Variants in FABP2 observed in about 807,000 individuals in gnomAD.
The protein encoded by FABP2 is fatty acid binding protein 2.
FABP2 carries 11 observed loss-of-function variants against 16.1 expected under a neutral mutation model. That is an observed-to-expected ratio of 0.68 (90% CI 0.43 to 1.13). FABP2 has a LOEUF of 1.13. FABP2 is among the 50% of genes most tolerant of loss of function. The pLI is 0.00. For missense variants in FABP2, 146 were observed against 155.1 expected, an observed-to-expected ratio of 0.94 and a Z score of 0.31; for synonymous variants, 45 against 50.9, an observed-to-expected ratio of 0.88 and a Z score of 0.49.
At chr4:119,319,666 A>G (rs763253336) in intron 2 of FABP2, 23 bp from the exon 3 acceptor site, 1 of 1,012,670 alleles carries the variant, frequency 9.9e-7, no homozygotes, top group Non-Finnish European at 1.3e-6. Flanking sequence ...AATAATAATA[A>G]TAATAATAAT....
Position 119,320,663 on chromosome 4 carries a change from T to A in FABP2, c.240+7A>T. 1.9e-6 allele frequency: 3 copies of A among 1,553,562 alleles called. No homozygotes were observed. The highest frequency in any genetic ancestry group is 1.4e-5 in the African/African-American group (1 of 70,742). ...AATGCATTGCTCATAAAAAAAAAAA[T>A]TCTTACCCTGAGTTCAGTTCCGTCT... On this transcript the variant is annotated splice_region_variant and intron_variant, in intron 2 of 3. Coordinates refer to ENST00000274024, the MANE Select transcript of FABP2 (RefSeq NM_000134.4).
At chr4:119,319,218 T>A (rs916497319) in intron 3 of FABP2, 127 bp from the exon 4 acceptor site, 9 of 390,390 alleles carry the variant, frequency 2.3e-5, no homozygotes, top group Non-Finnish European at 3.5e-5. Context: ...ATATATATTA[T>A]ATGAGTATGA....
At chr4:119,321,194 A>G (rs1433915297) in intron 1 of FABP2, among the ~76,000 whole-genome samples, 1 of 152,150 alleles carries the variant, frequency 6.6e-6, no homozygotes, top group Non-Finnish European at 1.5e-5. Context: ...TATATTTATA[A>G]GGAAGCACAT....
chr4:119,320,589 C>A, intron 2 of FABP2, 81 bp downstream of exon 2: 1 of 1,130,496 alleles, frequency 8.8e-7, no homozygotes, highest in Admixed American at 2.7e-5. Flanking sequence ...ATTAAACCAT[C>A]CAATGAAATA....
At chr4:119,320,211 A>G (rs1755643378) in intron 2 of FABP2, among the ~76,000 whole-genome samples, 1 of 152,114 alleles carries the variant, frequency 6.6e-6, no homozygotes, top group Non-Finnish European at 1.5e-5. Context: ...GTTATCTTAA[A>G]CATGAAAAGG....
intron 2 of FABP2, 24 bp from the exon 3 acceptor site, chr4:119,319,667 T>TAATAATAATAAC: frequency 9.9e-7 from 1 of 1,007,866 alleles, no homozygotes; most frequent in Non-Finnish European, 1.3e-6. Context: ...ATAATAATAA[T>TAATAATAATAAC]AATAATAATA....
At chr4:119,319,428 GA>G in intron 3 of FABP2, 107 bp downstream of exon 3, 1 of 606,688 alleles carries the variant, frequency 1.6e-6, no homozygotes, top group East Asian at 3.3e-5. Flanking sequence ...TAAGATTTAT[GA>G]GAAAAGAAGT....
intron 1 of FABP2, among the ~76,000 whole-genome samples, 165 bp downstream of exon 1, chr4:119,321,870 TA>T (rs1755674891): frequency 6.6e-6 from 1 of 152,120 alleles, no homozygotes; most frequent in African/African-American, 2.4e-5. Flanking sequence ...CTTCCTAATG[TA>T]AGAAGGGAGA....
At chr4:119,320,012 T>C (rs1546503) in intron 2 of FABP2, among the ~76,000 whole-genome samples, 51,167 of 151,802 alleles carry the variant, frequency 0.34, 8,789 homozygotes, top group East Asian at 0.39. Context: ...ATTAGTTTCA[T>C]GGAGATGTTA....
rs71595363 is a variant in FABP2, at chr4:119,319,647, CATA to C, written c.241-7_241-5del. On this transcript the variant is annotated splice_polypyrimidine_tract_variant and splice_region_variant and intron_variant, in intron 2 of 3. Coordinates refer to ENST00000274024, the MANE Select transcript of FABP2 (RefSeq NM_000134.4). Reference sequence around the variant, plus strand: ...TTCCCTCAAGGCTCCAGGTCCCCTACATAATAATAATAATAATAATAATAATAA... The same window carrying C: ...TTCCCTCAAGGCTCCAGGTCCCCTACATAATAATAATAATAATAATAATAA... The C allele has an allele frequency of 0.024, 18,849 of 787,412 alleles. 1,250 individuals carry two copies. The highest frequency in any genetic ancestry group is 0.22 in the African/African-American group (11,308 of 52,240). 48.8% of individuals were successfully genotyped at this position (787,412 alleles called of 1,614,324 possible).
Position 119,319,585 on chromosome 4 carries a change from C to T in FABP2, c.299G>A (p.Gly100Glu). Residue 100 changes from glycine (G) to glutamate (E), a missense_variant, in exon 3 of 4, where the codon GGA becomes GAA. Gly to Glu is a moderately conservative substitution (Grantham distance 98, BLOSUM62 -2). Transcript: ENST00000274024. ...TTCTCGGACAGTATTCAGTTCGTTT[C>T]CATTGTCTGTCCGTTTGAATTTTCC... is the stretch of plus-strand genomic sequence containing the variant. ...LIGKFKRTDN[G>E]NELNTVREII... 6.5e-7 allele frequency: 1 copy of T among 1,548,536 alleles called. No individual in the cohort carries two copies. Among genetic ancestry groups the T allele is most frequent in the Non-Finnish European group, 8.7e-7 (1 of 1,147,742 alleles).
chr4:119,318,330 A>G lies in FABP2; in HGVS notation c.*711T>C, dbSNP rs1381109009. 3 of 151,990 alleles carry G rather than the reference A, an allele frequency of 2.0e-5. No homozygotes were observed. Among genetic ancestry groups the G allele is most frequent in the Non-Finnish European group, 4.4e-5 (3 of 67,954 alleles). 9.4% of individuals were successfully genotyped at this position (151,990 alleles called of 1,614,324 possible). A position where few individuals can be genotyped will look rare whatever the true frequency, so the allele number is the denominator to read the frequency against. ...TAAGTTTTCTGGTTGAGCATATATT[A>G]TTTTTATAATAATAGATATTACTTA... On this transcript the variant is annotated 3_prime_UTR_variant, in exon 4 of 4. Transcript: ENST00000274024.
At chr4:119,322,006 G>A (rs372627983) in intron 1 of FABP2, 30 bp downstream of exon 1, 16 of 1,575,616 alleles carry the variant, frequency 1.0e-5, no homozygotes, top group Admixed American at 6.8e-5. Context: ...AGAAAGCAAA[G>A]AATGAGCCAC....
chr4:119,320,688 T>G lies in FABP2; in HGVS notation c.222A>C (p.Ala74=). 1.3e-6 allele frequency: 2 copies of G among 1,585,508 alleles called. No homozygotes were observed. Among genetic ancestry groups the G allele is most frequent in the Non-Finnish European group, 1.7e-6 (2 of 1,170,940 alleles). ...ELGVTFNYNL[A]DGTELRGTWS... ...TTCTTACCCTGAGTTCAGTTCCGTC[T>G]GCTAGATTGTAATTAAAGGTGACAC... is the stretch of plus-strand genomic sequence containing the variant. Residue 74 remains alanine (A), a synonymous_variant, in exon 2 of 4, where the codon GCA becomes GCC. Transcript: ENST00000274024.
At chr4:119,320,981 T>C in intron 1 of FABP2, 139 bp from the exon 2 acceptor site, 1 of 638,406 alleles carries the variant, frequency 1.6e-6, no homozygotes, top group Non-Finnish European at 2.5e-6. Context: ...AACATTCAGA[T>C]TGCTTCTACA....
At chr4:119,320,629 A>G in intron 2 of FABP2, 41 bp downstream of exon 2, 2 of 1,460,438 alleles carry the variant, frequency 1.4e-6, no homozygotes, top group Non-Finnish European at 1.8e-6. Context: ...ATTGGGTAGA[A>G]AAATCAAGAA....
At chr4:119,320,977 C>G in intron 1 of FABP2, 135 bp from the exon 2 acceptor site, 1 of 645,156 alleles carries the variant, frequency 1.6e-6, no homozygotes, top group Non-Finnish European at 2.5e-6. Context: ...CAAGAACATT[C>G]AGATTGCTTC....
chr4:119,320,317 A>C (rs199748051), intron 2 of FABP2, among the ~76,000 whole-genome samples: 3 of 66,996 alleles, frequency 4.5e-5, no homozygotes, highest in Non-Finnish European at 1.0e-4. Flanking sequence ...CAACATGTTA[A>C]ATTGCTATTA....
rs921484411 is a variant in FABP2 at position 119,319,633 on chromosome 4, C to G, written c.251G>C (p.Ser84Thr). 3 of 1,421,218 alleles carry G rather than the reference C, an allele frequency of 2.1e-6. No homozygotes were observed. The highest frequency in any genetic ancestry group is 2.8e-6 in the Non-Finnish European group (3 of 1,065,078). 88.0% of individuals were successfully genotyped at this position (1,421,218 alleles called of 1,614,324 possible). A position where few individuals can be genotyped will look rare whatever the true frequency, so the allele number is the denominator to read the frequency against. Reference sequence around the variant, plus strand: ...TCCAATAAGTTTATTTCCCTCAAGGCTCCAGGTCCCCTACATAATAATAAT... The same window carrying G: ...TCCAATAAGTTTATTTCCCTCAAGGGTCCAGGTCCCCTACATAATAATAAT... Reference protein sequence around the residue: ...ADGTELRGTWSLEGNKLIGKF... With the variant: ...ADGTELRGTWTLEGNKLIGKF... Residue 84 changes from serine to threonine, a missense_variant, in exon 3 of 4, where the codon AGC becomes ACC. Coordinates refer to ENST00000274024, the MANE Select transcript of FABP2 (RefSeq NM_000134.4).
Sources: allele counts gnomAD v4.1 joint callset (sites outside exome capture counted in the v4.1 genomes callset), GRCh38; gene constraint gnomAD v4.1.1; transcripts MANE v1.5; gene names NCBI Gene and HGNC (gene_info 2026-07-23, HGNC 2026-07-21).